MAD1L1: variants seen among roughly 807,000 people sequenced by gnomAD.
The protein encoded by MAD1L1 is mitotic arrest deficient 1 like 1.
In MAD1L1, 95 loss-of-function variants were observed where a neutral mutation model predicts 96.9. The observed-to-expected ratio is 0.98, with a 90% CI of 0.83 to 1.16. The LOEUF is 1.16. Among genes scored for constraint, MAD1L1 ranks in the 50% most tolerant of loss-of-function variants. MAD1L1 has a pLI of 0.00. For missense variants in MAD1L1, 1,007 were observed against 954.4 expected (o/e 1.06, Z -0.73); for synonymous variants, 473 against 396.6 (o/e 1.19, Z -2.29).
In MAD1L1 at chr7:1,821,046, A is replaced by C. The variant is rs1233899943; in HGVS notation, c.1999-4818T>G. ...CAGTGAGCCGAGATCGTGCCACTGC[A>C]CTCCAGCCTGAGCAACACAGCGAGA... On this transcript the variant is annotated intron_variant, in intron 18 of 18. Transcript: ENST00000265854. Among the ~76,000 whole-genome samples the C allele has an allele frequency of 2.2e-5, 3 of 137,478 alleles. No individual in the cohort carries two copies. The Admixed American group carries it at 2.3e-4, about 10-fold the overall frequency. The allele number at this position is 137,478 out of a possible 152,430, so 90.2% of individuals were successfully genotyped here.
rs1779541280 is a variant in MAD1L1 at position 1,952,429 on chromosome 7, C to G, written c.1596+5200G>C. Among the ~76,000 whole-genome samples the G allele has an allele frequency of 2.6e-5, 4 of 152,348 alleles. No individual in the cohort carries two copies. In the South Asian group the frequency reaches 8.3e-4, roughly 32 times the overall value. On this transcript the variant is annotated intron_variant, in intron 16 of 18. Transcript: ENST00000265854. ...AACGTGGGTCCCTGGGGCCCCGTGC[C>G]AATGACCTGCTTCCTTTCACGGACG...
chr7:2,020,367 G>A (rs961620002), intron 12 of MAD1L1, among the ~76,000 whole-genome samples: 1 of 152,160 alleles, frequency 6.6e-6, no homozygotes, highest in African/African-American at 2.4e-5. Context: ...GCGTGCACCC[G>A]GCCCCGGCAC....
intron 18 of MAD1L1, among the ~76,000 whole-genome samples, chr7:1,842,805 T>G (rs1783348466): frequency 2.0e-5 from 3 of 152,198 alleles, no homozygotes; most frequent in Admixed American, 6.5e-5. Context: ...GGCCTCTGAG[T>G]GCTGCACAGC....
intron 11 of MAD1L1, among the ~76,000 whole-genome samples, chr7:2,135,933 C>A (rs1218054700): frequency 6.6e-6 from 1 of 152,178 alleles, no homozygotes; most frequent in Non-Finnish European, 1.5e-5. Flanking sequence ...ATGATCAGGA[C>A]CACGCGGCCC....
chr7:1,876,172 C>G (rs1251564429), intron 18 of MAD1L1, among the ~76,000 whole-genome samples: 1 of 152,194 alleles, frequency 6.6e-6, no homozygotes, highest in Non-Finnish European at 1.5e-5. Flanking sequence ...CCATAGATCT[C>G]TGTAACGTAC....
intron 18 of MAD1L1, chr7:1,872,804 G>A (rs977750804): frequency 6.6e-6 from 1 of 152,282 alleles, no homozygotes; most frequent in Non-Finnish European, 1.5e-5. Context: ...CGAGCCTTCT[G>A]TGTGCTGAGA....
Position 2,014,635 on chromosome 7 carries a change from TC to T in MAD1L1, c.1225del (p.Asp409ThrfsTer14). ...KRVLLLTKER[D>X]GMRAILGSYD... ...GGACCCCAGGATGGCCCGCATACCGTCCCGCTCCTGTGGACACAGAGGGCAG... is the reference window on the plus strand; with the variant it reads ...GGACCCCAGGATGGCCCGCATACCGTCCGCTCCTGTGGACACAGAGGGCAG... On this transcript the variant is annotated frameshift_variant, in exon 13 of 19. Coordinates refer to ENST00000265854, the MANE Select transcript of MAD1L1 (RefSeq NM_001013836.2). LOFTEE classifies it high-confidence loss of function. The T allele has an allele frequency of 6.2e-7, 1 of 1,609,644 alleles. No individual in the cohort carries two copies. The highest frequency in any genetic ancestry group is 8.5e-7 in the Non-Finnish European group (1 of 1,178,220).
intron 6 of MAD1L1, among the ~76,000 whole-genome samples, chr7:2,218,932 T>C (rs1392989111): frequency 6.7e-6 from 1 of 149,768 alleles, no homozygotes; most frequent in African/African-American, 2.5e-5. Context: ...GTACTGCACA[T>C]GCTTGCAGAC....
Position 2,116,119 on chromosome 7 carries a change from G to A in MAD1L1, c.1073+33033C>T, listed in dbSNP as rs117552162. Among the ~76,000 whole-genome samples the A allele has an allele frequency of 5.2e-3, 798 of 152,358 alleles. 8 individuals are homozygous for A. Among genetic ancestry groups the A allele is most frequent in the Middle Eastern group, 0.014 (4 of 294 alleles). On this transcript the variant is annotated intron_variant, in intron 11 of 18. Coordinates refer to ENST00000265854, the MANE Select transcript of MAD1L1 (RefSeq NM_001013836.2). ...CCACAGAAAAAGCTGAAGGGCGTGA[G>A]CAGGACCTCACTGTCCACACTGACG...
chr7:2,094,862 T>C (rs1562681373), intron 11 of MAD1L1, among the ~76,000 whole-genome samples: 1 of 151,542 alleles, frequency 6.6e-6, no homozygotes, highest in East Asian at 1.9e-4. Flanking sequence ...GAACAGGAAG[T>C]GGGGGGGCAG....
At chr7:2,038,439 C>T (rs1783534274) in intron 12 of MAD1L1, among the ~76,000 whole-genome samples, 1 of 150,910 alleles carries the variant, frequency 6.6e-6, no homozygotes, top group Admixed American at 6.6e-5. Context: ...GAAGTCGATC[C>T]CTGCCTTCAA....
At chr7:1,952,932 G>A (rs565061180) in intron 16 of MAD1L1, among the ~76,000 whole-genome samples, 10 of 152,346 alleles carry the variant, frequency 6.6e-5, no homozygotes, top group Admixed American at 1.3e-4. Flanking sequence ...AGCACCCGCC[G>A]GGAGGCCCCG....
At chr7:2,099,077 C>T (rs986367722) in intron 11 of MAD1L1, among the ~76,000 whole-genome samples, 2 of 152,216 alleles carry the variant, frequency 1.3e-5, no homozygotes, top group Admixed American at 6.5e-5. Context: ...ACACAAGTGA[C>T]CCCAGTGCAC....
intron 18 of MAD1L1, among the ~76,000 whole-genome samples, chr7:1,887,238 TG>T (rs899795087): frequency 7.2e-6 from 1 of 139,842 alleles, no homozygotes; most frequent in Non-Finnish European, 1.5e-5. Flanking sequence ...CATGTGTATG[TG>T]GGGGTGGCTG....
chr7:1,901,296 A>G (rs1787228850), intron 17 of MAD1L1, among the ~76,000 whole-genome samples: 1 of 152,328 alleles, frequency 6.6e-6, no homozygotes, highest in South Asian at 2.1e-4. Context: ...CGCCTTGGAA[A>G]TGTCATTGCT....
intron 17 of MAD1L1, 72 bp from the exon 18 acceptor site, chr7:1,898,462 G>A (rs1787034739): frequency 2.1e-6 from 3 of 1,405,064 alleles, no homozygotes; most frequent in South Asian, 2.5e-5. Flanking sequence ...GAGCGGCCAG[G>A]GCAGGGAGGA....
rs1284614229 is a variant in MAD1L1, at chr7:2,160,807, C to CA, written c.987-11570dup. Among the ~76,000 whole-genome samples, 26 of 152,166 alleles carry CA rather than the reference C, an allele frequency of 1.7e-4. No homozygotes were observed. The East Asian group carries it at 4.8e-3, about 28-fold the overall frequency. ...CCACTGGATACTTTTTGAATGTTTT[C>CA]AATATTCTGTACCAAGAAAATACAA... On this transcript the variant is annotated intron_variant, in intron 10 of 18. Coordinates refer to ENST00000265854, the MANE Select transcript of MAD1L1 (RefSeq NM_001013836.2).
In MAD1L1 at chr7:2,103,751, T is replaced by C. The variant is rs2128552543; in HGVS notation, c.1074-34413A>G. Reference sequence around the variant, plus strand: ...CTCCTCCCTGCCCAGATCCCAGCAGTGTGGCATAAGCAGACCCCCTGAACC... The same window carrying C: ...CTCCTCCCTGCCCAGATCCCAGCAGCGTGGCATAAGCAGACCCCCTGAACC... On this transcript the variant is annotated intron_variant, in intron 11 of 18. Transcript: ENST00000265854. The surrounding 1 kb of genome is among the most constrained non-coding windows in gnomAD (Gnocchi z 4.3). Among the ~76,000 whole-genome samples, 1 of 152,234 alleles carries C rather than the reference T, an allele frequency of 6.6e-6. No individual in the cohort carries two copies. The highest frequency in any genetic ancestry group is 2.1e-4 in the South Asian group (1 of 4,830).
At chr7:2,113,835 T>A (rs1000130336) in intron 11 of MAD1L1, among the ~76,000 whole-genome samples, 11 of 152,164 alleles carry the variant, frequency 7.2e-5, no homozygotes, top group African/African-American at 2.7e-4. Context: ...AACATCAGAC[T>A]CGCTCCAACT....
Sources: allele counts gnomAD v4.1 joint callset (sites outside exome capture counted in the v4.1 genomes callset), GRCh38; gene constraint gnomAD v4.1.1; non-coding constraint Gnocchi (gnomAD v3.1); transcripts MANE v1.5; gene names NCBI Gene and HGNC (gene_info 2026-07-23, HGNC 2026-07-21).